Variants in LOXHD1 observed in about 807,000 individuals in gnomAD.
LOXHD1 encodes lipoxygenase homology PLAT domains 1.
Under a neutral mutation model 248.2 loss-of-function variants are expected in LOXHD1, and 205 were observed. The ratio of observed to expected loss-of-function variants is 0.83; its 90% CI spans 0.74 to 0.93. The LOEUF is 0.93. Ranked by LOEUF, LOXHD1 falls within the 40% of genes least tolerant of loss-of-function variation. LOXHD1 has a pLI of 0.00. For synonymous variants in LOXHD1, 1,113 were observed against 1,162.8 expected (o/e 0.96, Z 0.87); for missense variants, 2,930 against 2,971.6 (o/e 0.99, Z 0.33).
intron 5 of LOXHD1, among the ~76,000 whole-genome samples, chr18:46,613,837 CTAATGT>C (rs1261074105): frequency 6.6e-6 from 1 of 152,110 alleles, no homozygotes; most frequent in East Asian, 1.9e-4. Flanking sequence ...TACAAATAGA[CTAATGT>C]TAAATTATCA....
At position 46,485,601 on chromosome 18, in the gene LOXHD1, T is replaced by C. The variant is rs182988376; in HGVS notation, c.6050-450A>G. ...TGCATCTTGTCTTGGTGTCACTCCA[T>C]CTCACCCTGCTATTCACTCAATCGT... is the stretch of plus-strand genomic sequence containing the variant. On this transcript the variant is annotated intron_variant, in intron 38 of 40. Coordinates refer to ENST00000642948, the MANE Select transcript of LOXHD1 (RefSeq NM_001384474.1). Among the ~76,000 whole-genome samples the C allele has an allele frequency of 3.6e-4, 55 of 152,230 alleles. No individual in the cohort carries two copies. In the East Asian group the frequency reaches 8.9e-3, roughly 25 times the overall value.
intron 12 of LOXHD1, among the ~76,000 whole-genome samples, chr18:46,585,074 A>G (rs2038034470): frequency 6.6e-6 from 1 of 152,210 alleles, no homozygotes; most frequent in South Asian, 2.1e-4. Flanking sequence ...TCATCAACCC[A>G]TAAACGTTAG....
chr18:46,541,981 C>A, intron 24 of LOXHD1, 41 bp from the exon 25 acceptor site: 1 of 1,512,684 alleles, frequency 6.6e-7, no homozygotes. Flanking sequence ...AGGACCTGAG[C>A]AGAGATGATT....
chr18:46,565,846 G>T (rs1035415368), intron 17 of LOXHD1, among the ~76,000 whole-genome samples: 1 of 151,964 alleles, frequency 6.6e-6, no homozygotes, highest in Non-Finnish European at 1.5e-5. Flanking sequence ...TGAATCCACC[G>T]ATGCACAACC....
intron 35 of LOXHD1, 64 bp from the exon 36 acceptor site, chr18:46,507,776 G>T (rs2034675198): frequency 6.7e-7 from 1 of 1,482,344 alleles, no homozygotes; most frequent in South Asian, 1.3e-5. Context: ...GCACCCCCTG[G>T]CTCATGCAGC....
intron 6 of LOXHD1, 46 bp downstream of exon 6, chr18:46,610,730 C>A: frequency 6.6e-7 from 1 of 1,503,870 alleles, no homozygotes; most frequent in Non-Finnish European, 8.9e-7. Context: ...ACAAGAAGGC[C>A]CCCCTTCCAA....
In LOXHD1 at chr18:46,560,429, C is replaced by T. The variant is rs1795860958; in HGVS notation, c.2715G>A (p.Glu905=). The change falls in exon 19 of 41, where the codon GAG becomes GAA. Residue 905 remains glutamate, a synonymous_variant. Transcript: ENST00000642948. The stretch of plus-strand genomic sequence containing the variant: ...CCTCCTCCTCCGGCGTGAGGTCCAC[C>T]TCCCGCACCACCAGGTGCCGCAGCC... ...TVWLRHLVVR[E]VDLTPEEEAR... 1.3e-6 allele frequency: 2 copies of T among 1,546,366 alleles called. No homozygotes were observed. Among genetic ancestry groups the T allele is most frequent in the Non-Finnish European group, 1.7e-6 (2 of 1,147,154 alleles).
intron 4 of LOXHD1, among the ~76,000 whole-genome samples, chr18:46,621,718 G>C (rs1007362582): frequency 5.3e-5 from 8 of 152,124 alleles, no homozygotes; most frequent in Admixed American, 3.3e-4. Flanking sequence ...ACTGACCAGA[G>C]AGAAAGGTGA....
intron 4 of LOXHD1, among the ~76,000 whole-genome samples, chr18:46,621,458 G>A (rs16939811): frequency 0.023 from 3,546 of 152,290 alleles, 151 homozygotes; most frequent in African/African-American, 0.08. Flanking sequence ...TGCATCTGCC[G>A]ATGAGAGAAC....
chr18:46,538,311 T>C lies in LOXHD1; in HGVS notation c.3940A>G (p.Thr1314Ala). ...PFVPYEITLY[T>A]SDVFAAGTDA... The stretch of plus-strand genomic sequence containing the variant: ...GTCCCAGCAGCAAAGACATCACTGG[T>C]GTAGAGGGTGATCTCGTAAGGAACA... The change falls in exon 26 of 41, where the codon ACC (threonine) becomes GCC (alanine). Residue 1314 changes from threonine to alanine, a missense_variant. Thr to Ala is a moderately conservative substitution (Grantham distance 58). Transcript: ENST00000642948. The C allele has an allele frequency of 6.4e-7, 1 of 1,550,662 alleles. No individual in the cohort carries two copies. Among genetic ancestry groups the C allele is most frequent in the African/African-American group, 1.4e-5 (1 of 73,126 alleles).
rs1304763696 is a variant in LOXHD1 at position 46,601,281 on chromosome 18, G to C, written c.1070C>G (p.Pro357Arg). The C allele has an allele frequency of 1.3e-6, 2 of 1,551,680 alleles. No individual in the cohort carries two copies. The highest frequency in any genetic ancestry group is 3.9e-5 in the Admixed American group (2 of 50,996). ...ATGCCCGACGGAGACCCGACTCAGG[G>C]GGCTAAGGAGGACAGCCAGCTCGAT... ...FHIELAVLLS[P>R]LSRVSVGHGN... Residue 357 changes from proline to arginine, a missense_variant, in exon 8 of 41, where the codon CCC (proline) becomes CGC (arginine). Pro to Arg is a moderately radical substitution (Grantham distance 103). Transcript: ENST00000642948.
At chr18:46,504,847 A>G (rs978612136) in intron 37 of LOXHD1, among the ~76,000 whole-genome samples, 2 of 152,366 alleles carry the variant, frequency 1.3e-5, no homozygotes, top group South Asian at 2.1e-4. Flanking sequence ...CTTTGCAGAG[A>G]CATGTTTCTA....
Position 46,542,848 on chromosome 18 carries a change from GGTCATTCCT to G in LOXHD1, c.3620-2_3626del, listed in dbSNP as rs2036623011. On this transcript the variant is annotated splice_acceptor_variant and coding_sequence_variant, in exon 24 of 41. Transcript: ENST00000642948. LOFTEE classifies it high-confidence loss of function. ...TGTTTGTCTTGGAGGACTTCAGGAG[GGTCATTCCT>G]GTGGATCAGATGACCCCAGCATGAC... 1 of 1,551,430 alleles carries G rather than the reference GGTCATTCCT, an allele frequency of 6.4e-7. No individual in the cohort carries two copies. The highest frequency in any genetic ancestry group is 8.7e-7 in the Non-Finnish European group (1 of 1,146,964).
intron 37 of LOXHD1, among the ~76,000 whole-genome samples, chr18:46,493,618 A>T (rs1396819780): frequency 1.3e-5 from 2 of 152,246 alleles, no homozygotes; most frequent in Non-Finnish European, 2.9e-5. Flanking sequence ...AAGCCCTAGC[A>T]GTGAGTGGTG....
intron 18 of LOXHD1, among the ~76,000 whole-genome samples, chr18:46,561,647 A>G (rs2144024963): frequency 6.6e-6 from 1 of 152,346 alleles, no homozygotes; most frequent in South Asian, 2.1e-4. Flanking sequence ...ATTCAAGTCC[A>G]GACCTAGATG....
rs567029249 is a variant in LOXHD1, at chr18:46,620,673, A to G, written c.512-2383T>C. On this transcript the variant is annotated intron_variant, in intron 4 of 40. Coordinates refer to ENST00000642948, the MANE Select transcript of LOXHD1 (RefSeq NM_001384474.1). Reference sequence around the variant, plus strand: ...CTGACAGTTAGCATGTGCCAAGCACATTGGTGGAGAGCCACCTGCCAGGGA... The same window carrying G: ...CTGACAGTTAGCATGTGCCAAGCACGTTGGTGGAGAGCCACCTGCCAGGGA... Among the ~76,000 whole-genome samples the G allele has an allele frequency of 3.3e-5, 5 of 152,310 alleles. No homozygotes were observed. The East Asian group carries it at 9.7e-4, about 29-fold the overall frequency.
intron 3 of LOXHD1, among the ~76,000 whole-genome samples, chr18:46,640,671 T>C (rs760761625): frequency 3.9e-5 from 6 of 152,204 alleles, no homozygotes; most frequent in Non-Finnish European, 8.8e-5. Flanking sequence ...AAATCTGCAG[T>C]GTATTTTATA....
At chr18:46,636,636 T>C (rs1484333516) in intron 4 of LOXHD1, among the ~76,000 whole-genome samples, 1 of 152,190 alleles carries the variant, frequency 6.6e-6, no homozygotes, top group African/African-American at 2.4e-5. Context: ...CTGTCCCACT[T>C]TGGGGGCTGG....
In LOXHD1 at chr18:46,524,072, C is replaced by T. The variant is rs2035708936; in HGVS notation, c.4876+394G>A. Among the ~76,000 whole-genome samples the T allele has an allele frequency of 2.0e-5, 3 of 152,272 alleles. No individual in the cohort carries two copies. The South Asian group carries it at 6.2e-4, about 32-fold the overall frequency. ...GCCAAGAGACTGGCTTGTCCAAGGCCACACATTTTATTTTCAGAATCAGAA... is the reference window on the plus strand; with the variant it reads ...GCCAAGAGACTGGCTTGTCCAAGGCTACACATTTTATTTTCAGAATCAGAA... On this transcript the variant is annotated intron_variant, in intron 31 of 40. Coordinates refer to ENST00000642948, the MANE Select transcript of LOXHD1 (RefSeq NM_001384474.1).
Sources: gnomAD v4.1 joint callset for allele counts (sites outside exome capture counted in the v4.1 genomes callset) on GRCh38, gnomAD v4.1.1 for gene constraint, MANE v1.5 for transcripts, NCBI Gene and HGNC (gene_info 2026-07-23, HGNC 2026-07-21) for gene names.